RASGRF1: variants seen among roughly 807,000 people sequenced by gnomAD.
The protein encoded by RASGRF1 is ras-specific guanine nucleotide-releasing factor 1.
RASGRF1 carries 40 observed loss-of-function variants against 138.7 expected under a neutral mutation model. That is an observed-to-expected ratio of 0.29 (90% confidence interval 0.22 to 0.38). The LOEUF (loss-of-function observed/expected upper bound fraction) is 0.38, where lower values mean the gene tolerates loss of function less well. Ranked by LOEUF, RASGRF1 falls within the 10% of genes least tolerant of loss-of-function variation. The pLI is 1.00. For synonymous variants in RASGRF1, 614 were observed against 663.2 expected, an observed-to-expected ratio of 0.93 and a Z score of 1.14; for missense variants, 1,108 against 1,650.4, an observed-to-expected ratio of 0.67 and a Z score of 5.69.
chr15:79,046,710 T>A lies in RASGRF1; in HGVS notation c.878+36A>T. The A allele has an allele frequency of 6.2e-7, 1 of 1,608,712 alleles. No individual in the cohort carries two copies. Among genetic ancestry groups the A allele is most frequent in the Non-Finnish European group, 8.5e-7 (1 of 1,175,428 alleles). ...TAGCTGCGGCCAATGCTCACTAGTC[T>A]CCTTCCTGCCTTGGCCAACCTTTAG... On this transcript the variant is annotated intron_variant, in intron 5 of 26. Coordinates refer to ENST00000558480, the MANE Select transcript of RASGRF1 (RefSeq NM_001145648.3). The surrounding 1 kb of genome is among the most constrained non-coding windows in gnomAD (Gnocchi z 5.3).
chr15:79,007,320 T>C (rs1339188666), intron 13 of RASGRF1, among the ~76,000 whole-genome samples: 1 of 152,186 alleles, frequency 6.6e-6, no homozygotes, highest in African/African-American at 2.4e-5. Context: ...CCTCTGGTGC[T>C]TACGCCACTG....
At chr15:79,082,663 C>G (rs2057928924) in intron 1 of RASGRF1, among the ~76,000 whole-genome samples, 1 of 152,190 alleles carries the variant, frequency 6.6e-6, no homozygotes, top group Non-Finnish European at 1.5e-5. Flanking sequence ...GAGGGCACAG[C>G]TCTGAGAGAT....
chr15:79,078,876 A>G (rs2141096295), intron 1 of RASGRF1, among the ~76,000 whole-genome samples: 2 of 152,382 alleles, frequency 1.3e-5, no homozygotes, highest in Middle Eastern at 6.8e-3. Flanking sequence ...GCCCAGGAAG[A>G]GGCCTGCGGC....
At chr15:79,023,274 A>G (rs993666584) in intron 10 of RASGRF1, among the ~76,000 whole-genome samples, 1 of 152,112 alleles carries the variant, frequency 6.6e-6, no homozygotes, top group Non-Finnish European at 1.5e-5. Flanking sequence ...TAGCTTACAG[A>G]GGCAAGTGCT....
chr15:78,992,702 G>A (rs2056296232), intron 20 of RASGRF1, among the ~76,000 whole-genome samples: 1 of 152,212 alleles, frequency 6.6e-6, no homozygotes, highest in Non-Finnish European at 1.5e-5. Context: ...TGACTGTCTC[G>A]TGTGCCTCAT....
intron 13 of RASGRF1, among the ~76,000 whole-genome samples, chr15:79,007,903 T>G (rs560839716): frequency 3.3e-5 from 5 of 151,604 alleles, no homozygotes; most frequent in Admixed American, 2.0e-4. Flanking sequence ...GGAGTCTTGC[T>G]CTGTCACCCA....
At chr15:79,068,590 A>T (rs1330632859) in intron 1 of RASGRF1, among the ~76,000 whole-genome samples, 1 of 147,334 alleles carries the variant, frequency 6.8e-6, no homozygotes, top group Non-Finnish European at 1.5e-5. Flanking sequence ...ATACATACAT[A>T]TATATTTATA....
chr15:79,086,582 C>T (rs990221181), intron 1 of RASGRF1, among the ~76,000 whole-genome samples: 3 of 151,622 alleles, frequency 2.0e-5, no homozygotes, highest in Non-Finnish European at 4.4e-5. Flanking sequence ...AAGACCCCCC[C>T]CCCCCAGCTT....
chr15:79,025,483 G>A lies in RASGRF1; in HGVS notation c.1382-9C>T. The A allele has an allele frequency of 6.2e-7, 1 of 1,610,070 alleles. No homozygotes were observed. Among genetic ancestry groups the A allele is most frequent in the Non-Finnish European group, 8.5e-7 (1 of 1,177,834 alleles). Reference sequence around the variant, plus strand: ...CACCTGAATGAGGGAACCTGTGGGTGGAGGAGAGAGACCCTGAGCCCATCT... The same window carrying A: ...CACCTGAATGAGGGAACCTGTGGGTAGAGGAGAGAGACCCTGAGCCCATCT... On this transcript the variant is annotated splice_polypyrimidine_tract_variant and intron_variant, in intron 9 of 26. Transcript: ENST00000558480.
rs569909196 is a variant in RASGRF1, at chr15:79,001,148, T to G, written c.2575+514A>C. On this transcript the variant is annotated intron_variant, in intron 16 of 26. Transcript: ENST00000558480. ...GCAATGTCACCGCCTCTTGGAGTCT[T>G]TCCCCTTATTTGAAACACCTAGCCT... Among the ~76,000 whole-genome samples, 6 of 152,318 alleles carry G rather than the reference T, an allele frequency of 3.9e-5. 1 individual carries two copies. The South Asian group carries it at 1.2e-3, about 32-fold the overall frequency.
At chr15:79,070,646 A>T (rs2057742999) in intron 1 of RASGRF1, among the ~76,000 whole-genome samples, 1 of 152,210 alleles carries the variant, frequency 6.6e-6, no homozygotes, top group Admixed American at 6.5e-5. Context: ...AAATGGGCAT[A>T]AGAAGAGTCC....
At chr15:79,065,465 C>A (rs1037568305) in intron 1 of RASGRF1, among the ~76,000 whole-genome samples, 1 of 151,736 alleles carries the variant, frequency 6.6e-6, no homozygotes, top group Non-Finnish European at 1.5e-5. Context: ...GAGGAGAGAG[C>A]AGCAGGGACA....
At position 78,998,032 on chromosome 15, in the gene RASGRF1, G is replaced by A. The variant is rs2056433155; in HGVS notation, c.2966+64C>T. On this transcript the variant is annotated intron_variant, in intron 19 of 26. Transcript: ENST00000558480. ...CGGGCCTCTGACCAGCCCACATGGA[G>A]GCAGAAGGCAGGGCTCCTGTCCCAG... is the stretch of plus-strand genomic sequence containing the variant. 6 of 1,436,048 alleles carry A rather than the reference G, an allele frequency of 4.2e-6. No individual in the cohort carries two copies. In the East Asian group the frequency reaches 1.4e-4, roughly 33 times the overall value. The allele number at this position is 1,436,048 out of a possible 1,614,324, so 89.0% of individuals were successfully genotyped here. A position where few individuals can be genotyped will look rare whatever the true frequency, so the allele number is the denominator to read the frequency against.
At chr15:79,002,126 C>T (rs1273513759) in intron 15 of RASGRF1, among the ~76,000 whole-genome samples, 2 of 152,062 alleles carry the variant, frequency 1.3e-5, no homozygotes, top group African/African-American at 4.8e-5. Flanking sequence ...CAGGTGATGG[C>T]CATGTGGTTG....
At chr15:79,049,054 G>T (rs896575429) in intron 4 of RASGRF1, among the ~76,000 whole-genome samples, 1 of 152,140 alleles carries the variant, frequency 6.6e-6, no homozygotes, top group East Asian at 1.9e-4. Context: ...GGACTACCGT[G>T]CTGGGTCTGC....
chr15:78,963,592 G>A (rs1390784565), intron 26 of RASGRF1, among the ~76,000 whole-genome samples: 1 of 152,096 alleles, frequency 6.6e-6, no homozygotes, highest in African/African-American at 2.4e-5. Context: ...GCGAGCCACC[G>A]TGCCTGGCCA....
intron 13 of RASGRF1, among the ~76,000 whole-genome samples, chr15:79,011,291 T>C (rs2056790789): frequency 6.6e-6 from 1 of 151,900 alleles, no homozygotes; most frequent in Non-Finnish European, 1.5e-5. Flanking sequence ...GAAAGTCAAA[T>C]TGGGCCATAA....
At chr15:79,035,073 T>C (rs550864084) in intron 6 of RASGRF1, 58 bp downstream of exon 6, 1 of 1,457,164 alleles carries the variant, frequency 6.9e-7, no homozygotes, top group South Asian at 1.2e-5. Context: ...CCCAGGCTTT[T>C]GGGGTGGCCC....
rs367946228 is a variant in RASGRF1, at chr15:79,059,818, CATG to C, written c.384-1340_384-1338del. 6.2e-3 allele frequency among the ~76,000 whole-genome samples: 937 copies of C among 152,214 alleles called. 6 individuals carry two copies. Among genetic ancestry groups the C allele is most frequent in the African/African-American group, 0.021 (873 of 41,520 alleles). Reference sequence around the variant, plus strand: ...AGCGCGAGAGAACATTGTGTCTCTACATGATATTAATACACTCCAGTGCCTTTT... The same window carrying C: ...AGCGCGAGAGAACATTGTGTCTCTACATATTAATACACTCCAGTGCCTTTT... On this transcript the variant is annotated intron_variant, in intron 2 of 26. Coordinates refer to ENST00000558480, the MANE Select transcript of RASGRF1 (RefSeq NM_001145648.3).
Sources: allele counts gnomAD v4.1 joint callset (sites outside exome capture counted in the v4.1 genomes callset), GRCh38; gene constraint gnomAD v4.1.1; non-coding constraint Gnocchi (gnomAD v3.1); transcripts MANE v1.5; gene names NCBI Gene and HGNC (gene_info 2026-07-23, HGNC 2026-07-21).